Variants in WRNIP1 observed in about 807,000 individuals in gnomAD.
WRNIP1 encodes the protein WRN helicase interacting protein 1.
Under a neutral mutation model 56.1 loss-of-function variants are expected in WRNIP1, and 41 were observed. That is an observed-to-expected ratio of 0.73 (90% confidence interval 0.57 to 0.95). The LOEUF (loss-of-function observed/expected upper bound fraction) is 0.95. WRNIP1 is among the 40% of genes least tolerant of loss of function. The pLI is 0.00. For synonymous variants in WRNIP1, 547 were observed against 398.1 expected (o/e 1.37, Z -4.45); for missense variants, 1,170 against 939.4 (o/e 1.25, Z -3.21).
rs1765690069 is a variant in WRNIP1 at position 2,785,552 on chromosome 6, A to G, written c.*270A>G. ...GAATTAATGTTATAAGGAATTATCT[A>G]TTTTGTCATAGTATTTAAGTCATAA... is the stretch of plus-strand genomic sequence containing the variant. On this transcript the variant is annotated 3_prime_UTR_variant, in exon 7 of 7. Coordinates refer to ENST00000380773, the MANE Select transcript of WRNIP1 (RefSeq NM_020135.3). The G allele has an allele frequency of 2.3e-6, 1 of 435,946 alleles. No homozygotes were observed. The highest frequency in any genetic ancestry group is 4.0e-5 in the East Asian group (1 of 25,216). The allele number at this position is 435,946 out of a possible 1,614,324, so 27.0% of individuals were successfully genotyped here. A position where few individuals can be genotyped will look rare whatever the true frequency, so the allele number is the denominator to read the frequency against.
chr6:2,773,605 T>A (rs1259254063), intron 3 of WRNIP1: 2 of 985,258 alleles, frequency 2.0e-6, no homozygotes, highest in Non-Finnish European at 2.4e-6. Context: ...TGGGTTAATT[T>A]TGGAGGCCAG....
At position 2,768,807 on chromosome 6, in the gene WRNIP1, A is replaced by G; in HGVS notation, c.939A>G (p.Gln313=). 6.2e-7 allele frequency: 1 copy of G among 1,614,044 alleles called. No individual in the cohort carries two copies. The highest frequency in any genetic ancestry group is 1.3e-5 in the African/African-American group (1 of 75,084). ...NDVRDVIKQA[Q]NEKSFFKRKT... is the part of the protein sequence containing the mutation. ...TGCGAGATGTCATAAAACAAGCTCAAAATGAAAAGAGCTTTTTCAAAAGGA... is the reference window on the plus strand; with the variant it reads ...TGCGAGATGTCATAAAACAAGCTCAGAATGAAAAGAGCTTTTTCAAAAGGA... Residue 313 remains glutamine, a synonymous_variant, in exon 2 of 7, where the codon CAA becomes CAG. Transcript: ENST00000380773.
chr6:2,770,338 C>T lies in WRNIP1; in HGVS notation c.1233C>T (p.Ser411=). 1 of 1,614,182 alleles carries T rather than the reference C, an allele frequency of 6.2e-7. No homozygotes were observed. Among genetic ancestry groups the T allele is most frequent in the South Asian group, 1.1e-5 (1 of 91,078 alleles). Residue 411 remains serine, a synonymous_variant, in exon 3 of 7, where the codon AGC becomes AGT. Coordinates refer to ENST00000380773, the MANE Select transcript of WRNIP1 (RefSeq NM_020135.3). ...CTAGCCGTCCCACTGACCCTCTGAG[C>T]CACAGCAGCAACAGCAGCTCAGAGT... ...LDSSRPTDPL[S]HSSNSSSEPA... is the part of the protein sequence containing the mutation.
At chr6:2,778,571 T>G (rs1437599011) in intron 3 of WRNIP1, among the ~76,000 whole-genome samples, 1 of 152,182 alleles carries the variant, frequency 6.6e-6, no homozygotes, top group African/African-American at 2.4e-5. Context: ...ACCAGCAGTC[T>G]TCTCGTCGCT....
In WRNIP1 at chr6:2,779,298, C is replaced by T; in HGVS notation, c.1292C>T (p.Thr431Ile). Residue 431 changes from threonine (T) to isoleucine (I), a missense_variant, in exon 4 of 7, where the codon ACC becomes ATC. By Grantham distance (89) the Thr-to-Ile change is moderately conservative (BLOSUM62 -1). Coordinates refer to ENST00000380773, the MANE Select transcript of WRNIP1 (RefSeq NM_020135.3). ...TTCATAGAGGATAAAGCAGTAGACACCCTGGCTTACCTCAGTGACGGTGAC... is the reference window on the plus strand; with the variant it reads ...TTCATAGAGGATAAAGCAGTAGACATCCTGGCTTACCTCAGTGACGGTGAC... ...AMFIEDKAVDTLAYLSDGDAR... is the reference protein window; with the variant it reads ...AMFIEDKAVDILAYLSDGDAR... 6.2e-7 allele frequency: 1 copy of T among 1,614,186 alleles called. No homozygotes were observed. The highest frequency in any genetic ancestry group is 8.5e-7 in the Non-Finnish European group (1 of 1,180,046).
In WRNIP1 at chr6:2,765,775, G is replaced by C; in HGVS notation, c.153G>C (p.Ala51=). ...LLHPAGHAEP[A]AGSHRAGERA... ...ACCCGGCGGGGCACGCGGAGCCCGCGGCCGGGTCGCACCGCGCCGGGGAGC... is the reference window on the plus strand; with the variant it reads ...ACCCGGCGGGGCACGCGGAGCCCGCCGCCGGGTCGCACCGCGCCGGGGAGC... The change falls in exon 1 of 7, where the codon GCG becomes GCC. Residue 51 remains alanine, a synonymous_variant. Transcript: ENST00000380773. 1 of 1,456,136 alleles carries C rather than the reference G, an allele frequency of 6.9e-7. No homozygotes were observed. The highest frequency in any genetic ancestry group is 9.0e-7 in the Non-Finnish European group (1 of 1,106,714). The allele number at this position is 1,456,136 out of a possible 1,614,324, so 90.2% of individuals were successfully genotyped here. A position where few individuals can be genotyped will look rare whatever the true frequency, so the allele number is the denominator to read the frequency against.
At chr6:2,781,458 A>G (rs1274224749) in intron 4 of WRNIP1, among the ~76,000 whole-genome samples, 1 of 152,220 alleles carries the variant, frequency 6.6e-6, no homozygotes, top group Non-Finnish European at 1.5e-5. Context: ...TTGCTCTATA[A>G]ATAGGGATAG....
rs754408999 is a variant in WRNIP1 at position 2,765,904 on chromosome 6, CGAGGGT to C, written c.287_292del (p.Gly96_Glu97del). 153 of 1,456,172 alleles carry C rather than the reference CGAGGGT, an allele frequency of 1.1e-4. No individual in the cohort carries two copies. Among genetic ancestry groups the C allele is most frequent in the African/African-American group, 8.5e-4 (58 of 68,194 alleles). 90.2% of individuals were successfully genotyped at this position (1,456,172 alleles called of 1,614,324 possible). On this transcript the variant is annotated inframe_deletion, in exon 1 of 7. Coordinates refer to ENST00000380773, the MANE Select transcript of WRNIP1 (RefSeq NM_020135.3). ...CGACGGCAGCCGAGAGCAGCGAGGGCGAGGGTGAGGAGGGCGACGACGGCGGCGAGA... is the reference window on the plus strand; with the variant it reads ...CGACGGCAGCCGAGAGCAGCGAGGGCGAGGAGGGCGACGACGGCGGCGAGA...
At position 2,785,326 on chromosome 6, in the gene WRNIP1, AG is replaced by A. The variant is rs1157196130; in HGVS notation, c.*47del. ...CAGAAGGATGTTGCTTTTTTAAGGG[AG>A]GGCCAGAAAGAAAGTTAGTGGATTG... is the stretch of plus-strand genomic sequence containing the variant. On this transcript the variant is annotated 3_prime_UTR_variant, in exon 7 of 7. Coordinates refer to ENST00000380773, the MANE Select transcript of WRNIP1 (RefSeq NM_020135.3). The A allele has an allele frequency of 5.7e-6, 9 of 1,589,392 alleles. No homozygotes were observed. Among genetic ancestry groups the A allele is most frequent in the Non-Finnish European group, 7.7e-6 (9 of 1,166,380 alleles).
rs67462420 is a variant in WRNIP1, at chr6:2,765,463, A to G, written c.-160A>G. On this transcript the variant is annotated 5_prime_UTR_variant, in exon 1 of 7. Transcript: ENST00000380773. ...GGGCGGGCGGACGCGGGAGCTGCGG[A>G]CGTGAGGCATGAGCGGCGCCCTCCT... The G allele has an allele frequency of 0.29, 248,707 of 862,562 alleles. 36,839 individuals are homozygous for G. Among genetic ancestry groups the G allele is most frequent in the East Asian group, 0.38 (9,672 of 25,658 alleles). The allele number at this position is 862,562 out of a possible 1,614,324, so 53.4% of individuals were successfully genotyped here. A position where few individuals can be genotyped will look rare whatever the true frequency, so the allele number is the denominator to read the frequency against.
chr6:2,777,572 C>T (rs958389738), intron 3 of WRNIP1, among the ~76,000 whole-genome samples: 1 of 152,200 alleles, frequency 6.6e-6, no homozygotes, highest in African/African-American at 2.4e-5. Flanking sequence ...TCTTCCCACA[C>T]AGGTTGAGTG....
intron 4 of WRNIP1, among the ~76,000 whole-genome samples, chr6:2,781,157 TACAG>T (rs1329322782): frequency 6.6e-6 from 1 of 152,206 alleles, no homozygotes; most frequent in African/African-American, 2.4e-5. Flanking sequence ...TCCATGCACA[TACAG>T]AGCGGATCTT....
In WRNIP1 at chr6:2,765,922, C is replaced by G; in HGVS notation, c.300C>G (p.Asp100Glu). The G allele has an allele frequency of 6.9e-7, 1 of 1,452,162 alleles. No homozygotes were observed. The highest frequency in any genetic ancestry group is 9.1e-7 in the Non-Finnish European group (1 of 1,103,612). The allele number at this position is 1,452,162 out of a possible 1,614,324, so 90.0% of individuals were successfully genotyped here. ...ESSEGEGEEGDDGGETESRES... is the reference protein window; with the variant it reads ...ESSEGEGEEGEDGGETESRES... ...GCGAGGGCGAGGGTGAGGAGGGCGA[C>G]GACGGCGGCGAGACCGAGAGCCGCG... Residue 100 changes from aspartate to glutamate, a missense_variant, in exon 1 of 7, where the codon GAC becomes GAG. Coordinates refer to ENST00000380773, the MANE Select transcript of WRNIP1 (RefSeq NM_020135.3).
chr6:2,770,497 TAAAAG>T (rs1371043254), intron 3 of WRNIP1, 136 bp downstream of exon 3: 17 of 1,297,398 alleles, frequency 1.3e-5, no homozygotes, highest in South Asian at 1.5e-5. Context: ...GTAATGAAAA[TAAAAG>T]AGGAGGGAAA....
intron 4 of WRNIP1, among the ~76,000 whole-genome samples, chr6:2,781,856 T>G (rs1765568834): frequency 1.3e-5 from 2 of 152,178 alleles, no homozygotes; most frequent in Admixed American, 6.5e-5. Context: ...GTGGTCTCGT[T>G]TTTCCCATTT....
At position 2,786,847 on chromosome 6, in the gene WRNIP1, T is replaced by G. The variant is rs1039977823; in HGVS notation, c.*1565T>G. ...GTCTGCACTGGGTACTTGTTGGGCC[T>G]TTCAATCTGGAAACTCCTTTCAGTT... is the stretch of plus-strand genomic sequence containing the variant. On this transcript the variant is annotated 3_prime_UTR_variant, in exon 7 of 7. Coordinates refer to ENST00000380773, the MANE Select transcript of WRNIP1 (RefSeq NM_020135.3). The G allele has an allele frequency of 6.6e-6, 1 of 152,216 alleles. No individual in the cohort carries two copies. The highest frequency in any genetic ancestry group is 6.5e-5 in the Admixed American group (1 of 15,282). 9.4% of individuals were successfully genotyped at this position (152,216 alleles called of 1,614,324 possible). A position where few individuals can be genotyped will look rare whatever the true frequency, so the allele number is the denominator to read the frequency against.
intron 3 of WRNIP1, chr6:2,773,744 A>G (rs1032461709): frequency 7.2e-6 from 7 of 974,968 alleles, no homozygotes; most frequent in Non-Finnish European, 8.5e-6. Context: ...AGGTCATAGA[A>G]TATATACATA....
chr6:2,765,949 G>C lies in WRNIP1; in HGVS notation c.327G>C (p.Glu109Asp). 6 of 1,438,112 alleles carry C rather than the reference G, an allele frequency of 4.2e-6. No homozygotes were observed. The highest frequency in any genetic ancestry group is 5.5e-6 in the Non-Finnish European group (6 of 1,095,804). The allele number at this position is 1,438,112 out of a possible 1,614,324, so 89.1% of individuals were successfully genotyped here. ...GDDGGETESR[E>D]SYDAPPTPSG... is the part of the protein sequence containing the mutation. ...ACGGCGGCGAGACCGAGAGCCGCGA[G>C]AGCTACGACGCGCCGCCCACACCCA... is the stretch of plus-strand genomic sequence containing the variant. Residue 109 changes from glutamate to aspartate, a missense_variant, in exon 1 of 7, where the codon GAG (glutamate) becomes GAC (aspartate). Glu to Asp is a conservative substitution (Grantham distance 45). Transcript: ENST00000380773.
intron 3 of WRNIP1, among the ~76,000 whole-genome samples, chr6:2,770,739 T>TA (rs1765249663): frequency 6.6e-6 from 1 of 152,218 alleles, no homozygotes; most frequent in South Asian, 2.1e-4. Flanking sequence ...TTTCTAGACT[T>TA]ACCATACAAC....
Sources: allele counts gnomAD v4.1 joint callset (sites outside exome capture counted in the v4.1 genomes callset), GRCh38; gene constraint gnomAD v4.1.1; transcripts MANE v1.5; gene names NCBI Gene and HGNC (gene_info 2026-07-23, HGNC 2026-07-21).